Variants in CFAP61 observed in about 807,000 individuals in gnomAD.
The protein encoded by CFAP61 is cilia and flagella associated protein 61, also known as cilia- and flagella-associated protein 61.
Under a neutral mutation model 135.6 loss-of-function variants are expected in CFAP61, and 107 were observed. The observed-to-expected ratio is 0.79, with a 90% CI of 0.67 to 0.93. The LOEUF (loss-of-function observed/expected upper bound fraction) is 0.93, where lower values mean the gene tolerates loss of function less well. CFAP61 is among the 40% of genes least tolerant of loss of function. CFAP61 has a pLI of 0.00. For synonymous variants in CFAP61, 575 were observed against 578.5 expected, an observed-to-expected ratio of 0.99 and a Z score of 0.09; for missense variants, 1,507 against 1,556.2, an observed-to-expected ratio of 0.97 and a Z score of 0.53.
chr20:20,094,486 A>G (rs2047424355), intron 7 of CFAP61: 1 of 152,214 alleles, frequency 6.6e-6, no homozygotes, highest in Admixed American at 6.5e-5. Context: ...CCAAGGTACT[A>G]GTTTTACTCT....
At chr20:20,106,939 G>C (rs188028416) in intron 8 of CFAP61, among the ~76,000 whole-genome samples, 330 of 152,330 alleles carry the variant, frequency 2.2e-3, no homozygotes, top group Non-Finnish European at 3.9e-3. Context: ...ACGCTATATG[G>C]AGTCAGCAGT....
chr20:20,114,452 T>A (rs2049001494), intron 8 of CFAP61, among the ~76,000 whole-genome samples: 1 of 152,154 alleles, frequency 6.6e-6, no homozygotes. Context: ...CTTAGTTTCC[T>A]CCTATAATGT....
intron 13 of CFAP61, among the ~76,000 whole-genome samples, chr20:20,186,571 C>T (rs2055515660): frequency 6.6e-6 from 1 of 152,140 alleles, no homozygotes; most frequent in Non-Finnish European, 1.5e-5. Context: ...ACATTTACAT[C>T]TGTAATCCAC....
chr20:20,112,915 T>C (rs2048895527), intron 8 of CFAP61, among the ~76,000 whole-genome samples: 1 of 152,236 alleles, frequency 6.6e-6, no homozygotes, highest in African/African-American at 2.4e-5. Flanking sequence ...TAATCTTCTC[T>C]TTTATCTGAA....
At chr20:20,121,190 C>T (rs1038667242) in intron 8 of CFAP61, among the ~76,000 whole-genome samples, 4 of 145,750 alleles carry the variant, frequency 2.7e-5, no homozygotes, top group African/African-American at 5.1e-5. Flanking sequence ...CAGTGTAGCT[C>T]GACCTTTCAG....
chr20:20,284,331 G>C (rs149527062), intron 22 of CFAP61, among the ~76,000 whole-genome samples: 56 of 151,204 alleles, frequency 3.7e-4, no homozygotes, highest in Non-Finnish European at 6.2e-4. Flanking sequence ...TGTTGCCCAG[G>C]CTGGAGTACA....
At chr20:20,330,402 C>G (rs1602050739) in intron 25 of CFAP61, among the ~76,000 whole-genome samples, 1 of 152,140 alleles carries the variant, frequency 6.6e-6, no homozygotes, top group Non-Finnish European at 1.5e-5. Flanking sequence ...ATGGCGCCAT[C>G]TCAGCTCACT....
chr20:20,114,242 C>G (rs2048988417), intron 8 of CFAP61, among the ~76,000 whole-genome samples: 1 of 152,100 alleles, frequency 6.6e-6, no homozygotes, highest in Non-Finnish European at 1.5e-5. Context: ...TGCACTCCAG[C>G]CTGAGCAGCA....
intron 25 of CFAP61, among the ~76,000 whole-genome samples, chr20:20,339,167 AC>A (rs1350094266): frequency 6.6e-6 from 1 of 152,208 alleles, no homozygotes; most frequent in East Asian, 1.9e-4. Flanking sequence ...AGATTTCTAG[AC>A]GGCAGGCTGT....
At chr20:20,064,864 G>A (rs2045120903) in intron 2 of CFAP61, among the ~76,000 whole-genome samples, 1 of 152,082 alleles carries the variant, frequency 6.6e-6, no homozygotes, top group Admixed American at 6.5e-5. Flanking sequence ...AATTTGTGTG[G>A]GAAAGCAAAG....
chr20:20,133,725 G>A (rs746300846), intron 8 of CFAP61, among the ~76,000 whole-genome samples: 1 of 152,186 alleles, frequency 6.6e-6, no homozygotes, highest in African/African-American at 2.4e-5. Context: ...CAATGAGAAT[G>A]GGGAAATGGT....
At chr20:20,116,044 T>C (rs971347679) in intron 8 of CFAP61, among the ~76,000 whole-genome samples, 1 of 152,186 alleles carries the variant, frequency 6.6e-6, no homozygotes, top group South Asian at 2.1e-4. Flanking sequence ...ATTGTACTAA[T>C]TTACATTCCT....
At chr20:20,296,321 T>C (rs2055550675) in intron 24 of CFAP61, among the ~76,000 whole-genome samples, 1 of 55,958 alleles carries the variant, frequency 1.8e-5, no homozygotes, top group Admixed American at 1.8e-4. Flanking sequence ...CTTCCCTCCT[T>C]CCTTCCCTTC....
chr20:20,157,109 A>G (rs2146790915), intron 9 of CFAP61, among the ~76,000 whole-genome samples: 1 of 152,148 alleles, frequency 6.6e-6, no homozygotes, highest in South Asian at 2.1e-4. Flanking sequence ...CTCTCTCTCT[A>G]TTGCCCAGGC....
intron 18 of CFAP61, among the ~76,000 whole-genome samples, chr20:20,241,971 C>T (rs575342216): frequency 6.6e-6 from 1 of 152,232 alleles, no homozygotes; most frequent in African/African-American, 2.4e-5. Context: ...TTCTTCTTAT[C>T]AAATAAGAAT....
chr20:20,342,603 G>A (rs1602106521), intron 26 of CFAP61, among the ~76,000 whole-genome samples: 1 of 152,296 alleles, frequency 6.6e-6, no homozygotes, highest in African/African-American at 2.4e-5. Flanking sequence ...GCCAAGTGCC[G>A]GGGCCTGGGT....
chr20:20,244,132 G>A (rs2146971262), intron 18 of CFAP61, among the ~76,000 whole-genome samples: 1 of 152,322 alleles, frequency 6.6e-6, no homozygotes, highest in Middle Eastern at 3.4e-3. Context: ...GGCATTGAGT[G>A]ACTGTGGCTT....
At chr20:20,250,474 A>G (rs2050798792) in intron 19 of CFAP61, among the ~76,000 whole-genome samples, 1 of 152,182 alleles carries the variant, frequency 6.6e-6, no homozygotes, top group African/African-American at 2.4e-5. Flanking sequence ...TGCCAAGCAT[A>G]GAAGTGGCGC....
At chr20:20,165,754 TC>T (rs1254377429) in intron 11 of CFAP61, among the ~76,000 whole-genome samples, 2 of 152,188 alleles carry the variant, frequency 1.3e-5, no homozygotes, top group African/African-American at 2.4e-5. Flanking sequence ...TTAAACATGT[TC>T]CCAGTCTCCC....
Sources: allele counts gnomAD v4.1 joint callset (sites outside exome capture counted in the v4.1 genomes callset), GRCh38; gene constraint gnomAD v4.1.1; transcripts MANE v1.5; gene names NCBI Gene and HGNC (gene_info 2026-07-23, HGNC 2026-07-21).